The following WNT9A variants were observed in gnomAD, a reference collection of about 807,000 sequenced individuals.
The protein encoded by WNT9A is Wnt family member 9A, also known as protein Wnt-9a.
In WNT9A, 8 loss-of-function variants were observed where a neutral mutation model predicts 31.4. The observed-to-expected ratio is 0.26, with a 90% confidence interval of 0.15 to 0.46. WNT9A has a LOEUF of 0.46. Ranked by LOEUF, WNT9A falls within the 20% of genes least tolerant of loss-of-function variation. The probability of loss-of-function intolerance (pLI) is 0.99; values close to 1 mark genes in which losing one functional copy is unlikely to be tolerated. For synonymous variants in WNT9A, 236 were observed against 220.1 expected (o/e 1.07, Z -0.64); for missense variants, 457 against 522.9 (o/e 0.87, Z 1.23).
At chr1:227,946,289 A>C (rs1301899466) in intron 1 of WNT9A, among the ~76,000 whole-genome samples, 1 of 152,172 alleles carries the variant, frequency 6.6e-6, no homozygotes, top group Non-Finnish European at 1.5e-5. Flanking sequence ...ACCCAGCGCC[A>C]CCCCGTCTCC....
At position 227,926,102 on chromosome 1, in the gene WNT9A, T is replaced by A. The variant is rs1476392061; in HGVS notation, c.96-583A>T. On this transcript the variant is annotated intron_variant, in intron 1 of 3. Transcript: ENST00000272164. The surrounding 1 kb of genome is among the most constrained non-coding windows in gnomAD (Gnocchi z 5.0). ...TCCAGCTGGGGTCTCCCCACCTCAG[T>A]GCCTGGGTGTGGCACTGGGAAGCAG... Among the ~76,000 whole-genome samples, 1 of 152,072 alleles carries A rather than the reference T, an allele frequency of 6.6e-6. No individual in the cohort carries two copies.
In WNT9A at chr1:227,918,680, A is replaced by T. The variant is rs182628948; in HGVS notation, c.*2838T>A. The T allele has an allele frequency of 2.0e-5, 3 of 152,384 alleles. No homozygotes were observed. The East Asian group carries it at 5.8e-4, about 29-fold the overall frequency. 9.4% of individuals were successfully genotyped at this position (152,384 alleles called of 1,614,324 possible). On this transcript the variant is annotated 3_prime_UTR_variant, in exon 4 of 4. Coordinates refer to ENST00000272164, the MANE Select transcript of WNT9A (RefSeq NM_003395.4). ...CTATAATTTAAAATACATTTATTTA[A>T]TGTTTCCATTTGTTTCTGGTTCTGT...
chr1:227,925,188 C>A lies in WNT9A; in HGVS notation c.352+75G>T. Reference sequence around the variant, plus strand: ...CCCCAGGAGCGCAGCCTAAGAGGGGCCTCTTGGGATATGGACAAGGCCTGG... The same window carrying A: ...CCCCAGGAGCGCAGCCTAAGAGGGGACTCTTGGGATATGGACAAGGCCTGG... On this transcript the variant is annotated intron_variant, in intron 2 of 3. Coordinates refer to ENST00000272164, the MANE Select transcript of WNT9A (RefSeq NM_003395.4). This position sits in a 1 kb window ranked among gnomAD's most constrained non-coding sequence, Gnocchi z 6.0. The A allele has an allele frequency of 7.0e-7, 1 of 1,436,160 alleles. No individual in the cohort carries two copies. Among genetic ancestry groups the A allele is most frequent in the Non-Finnish European group, 9.1e-7 (1 of 1,095,500 alleles). The allele number at this position is 1,436,160 out of a possible 1,614,324, so 89.0% of individuals were successfully genotyped here.
Position 227,921,734 on chromosome 1 carries a change from G to A in WNT9A, c.882C>T (p.Asp294=). Reference sequence around the variant, plus strand: ...GGCCAGCCAGGCAGAAGCTAGGCGAGTCATCCAGGTGCACCAGCTCTGGAG... The same window carrying A: ...GGCCAGCCAGGCAGAAGCTAGGCGAATCATCCAGGTGCACCAGCTCTGGAG... ...PRTPELVHLD[D]SPSFCLAGRF... Residue 294 remains aspartate, a synonymous_variant, in exon 4 of 4, where the codon GAC becomes GAT. Coordinates refer to ENST00000272164, the MANE Select transcript of WNT9A (RefSeq NM_003395.4). The A allele has an allele frequency of 6.2e-7, 1 of 1,612,560 alleles. No homozygotes were observed. The highest frequency in any genetic ancestry group is 1.1e-5 in the South Asian group (1 of 91,076).
chr1:227,929,820 A>T (rs1463264884), intron 1 of WNT9A, among the ~76,000 whole-genome samples: 2 of 152,166 alleles, frequency 1.3e-5, no homozygotes, highest in Non-Finnish European at 2.9e-5. Context: ...ATAAATAAAT[A>T]AAAGGGACCC....
chr1:227,926,521 G>A lies in WNT9A; in HGVS notation c.96-1002C>T, dbSNP rs1488356439. On this transcript the variant is annotated intron_variant, in intron 1 of 3. Transcript: ENST00000272164. This position sits in a 1 kb window ranked among gnomAD's most constrained non-coding sequence, Gnocchi z 5.0. ...TCACCTGTCTATCCTGGGACTGACC[G>A]AGCATGCTCTGCAGCTCTGTGTCAG... Among the ~76,000 whole-genome samples, 4 of 152,000 alleles carry A rather than the reference G, an allele frequency of 2.6e-5. No individual in the cohort carries two copies. The highest frequency in any genetic ancestry group is 2.0e-4 in the Admixed American group (3 of 15,280).
chr1:227,924,482 A>G (rs879487461), intron 2 of WNT9A, 82 bp from the exon 3 acceptor site: 123 of 1,514,274 alleles, frequency 8.1e-5, no homozygotes, highest in Non-Finnish European at 1.0e-4. Context: ...TCACCCCAAG[A>G]GTATGAATCC....
intron 3 of WNT9A, among the ~76,000 whole-genome samples, chr1:227,923,799 T>C (rs993325848): frequency 1.3e-5 from 2 of 152,126 alleles, no homozygotes; most frequent in Non-Finnish European, 2.9e-5. Flanking sequence ...CACAGTGCCA[T>C]GATACTGGTT....
In WNT9A at chr1:227,921,216, T is replaced by A; in HGVS notation, c.*302A>T. ...CACACCGTGTGCAATGCCTGTGCCA[T>A]GTGCAGCAGGGCTGACTGGGCCCAG... On this transcript the variant is annotated 3_prime_UTR_variant, in exon 4 of 4. Transcript: ENST00000272164. The A allele has an allele frequency of 2.8e-6, 1 of 362,486 alleles. No individual in the cohort carries two copies. The highest frequency in any genetic ancestry group is 5.1e-6 in the Non-Finnish European group (1 of 195,344). The allele number at this position is 362,486 out of a possible 1,614,324, so 22.5% of individuals were successfully genotyped here. A position where few individuals can be genotyped will look rare whatever the true frequency, so the allele number is the denominator to read the frequency against.
chr1:227,922,416 A>G (rs780865807), intron 3 of WNT9A, among the ~76,000 whole-genome samples: 29 of 152,168 alleles, frequency 1.9e-4, no homozygotes, highest in Non-Finnish European at 3.2e-4. Flanking sequence ...GAGGACAAAC[A>G]TGACCTCATC....
chr1:227,923,387 G>GGCTCT (rs1234061741), intron 3 of WNT9A, among the ~76,000 whole-genome samples: 6 of 152,162 alleles, frequency 3.9e-5, no homozygotes, highest in African/African-American at 1.4e-4. Flanking sequence ...AGATGCTGGG[G>GGCTCT]GCTCTGTGCA....
At chr1:227,923,402 G>A (rs1316098422) in intron 3 of WNT9A, among the ~76,000 whole-genome samples, 20 of 152,162 alleles carry the variant, frequency 1.3e-4, no homozygotes, top group Admixed American at 1.2e-3. Context: ...TGTGCAGAGT[G>A]GGGTTACAGG....
chr1:227,946,057 T>C (rs1005592608), intron 1 of WNT9A, among the ~76,000 whole-genome samples: 6 of 152,334 alleles, frequency 3.9e-5, no homozygotes, highest in Non-Finnish European at 7.4e-5. Context: ...CAGACAGGAC[T>C]CAGGAATTCT....
chr1:227,944,447 G>T (rs1175130205), intron 1 of WNT9A, among the ~76,000 whole-genome samples: 5 of 152,204 alleles, frequency 3.3e-5, no homozygotes, highest in African/African-American at 9.7e-5. Flanking sequence ...GGTGAGAGCT[G>T]CATGGCCTGG....
intron 1 of WNT9A, among the ~76,000 whole-genome samples, chr1:227,943,658 A>C (rs956700123): frequency 3.3e-5 from 5 of 152,208 alleles, no homozygotes; most frequent in African/African-American, 9.6e-5. Context: ...TGCTGCATCC[A>C]GAAGGGTTTG....
At chr1:227,930,022 C>T (rs982028331) in intron 1 of WNT9A, among the ~76,000 whole-genome samples, 7 of 152,172 alleles carry the variant, frequency 4.6e-5, no homozygotes, top group African/African-American at 9.7e-5. Flanking sequence ...TAGCAGCCTG[C>T]GTAAACTAAG....
chr1:227,925,567 G>A lies in WNT9A; in HGVS notation c.96-48C>T. On this transcript the variant is annotated intron_variant, in intron 1 of 3. Transcript: ENST00000272164. The surrounding 1 kb of genome is among the most constrained non-coding windows in gnomAD (Gnocchi z 6.0). Reference sequence around the variant, plus strand: ...GAGCCCGGCCCCAGGAAGCCCTGCTGGAGCCTGGCCAGGTGTCTCGGTGGC... The same window carrying A: ...GAGCCCGGCCCCAGGAAGCCCTGCTAGAGCCTGGCCAGGTGTCTCGGTGGC... The A allele has an allele frequency of 6.8e-7, 1 of 1,462,664 alleles. No individual in the cohort carries two copies. Among genetic ancestry groups the A allele is most frequent in the Non-Finnish European group, 9.0e-7 (1 of 1,110,326 alleles). 90.6% of individuals were successfully genotyped at this position (1,462,664 alleles called of 1,614,324 possible).
chr1:227,938,342 TACAC>T (rs1187312211), intron 1 of WNT9A, among the ~76,000 whole-genome samples: 2 of 145,822 alleles, frequency 1.4e-5, no homozygotes, highest in African/African-American at 5.2e-5. Flanking sequence ...TACAAACCTA[TACAC>T]ACAGACACAC....
chr1:227,942,457 T>A lies in WNT9A; in HGVS notation c.95+5336A>T, dbSNP rs145257102. 1.3e-5 allele frequency among the ~76,000 whole-genome samples: 2 copies of A among 152,204 alleles called. No individual in the cohort carries two copies. The highest frequency in any genetic ancestry group is 3.9e-4 in the East Asian group (2 of 5,152). On this transcript the variant is annotated intron_variant, in intron 1 of 3. Coordinates refer to ENST00000272164, the MANE Select transcript of WNT9A (RefSeq NM_003395.4). This position sits in a 1 kb window ranked among gnomAD's most constrained non-coding sequence, Gnocchi z 5.7. ...CAGGGAAGCCAAGCACCTGGGTCCC[T>A]CTACTGGCCACGGGGTCCCAGTCCA...
Sources: gnomAD v4.1 joint callset for allele counts (sites outside exome capture counted in the v4.1 genomes callset) on GRCh38, gnomAD v4.1.1 for gene constraint, Gnocchi (gnomAD v3.1) non-coding constraint, MANE v1.5 for transcripts, NCBI Gene and HGNC (gene_info 2026-07-23, HGNC 2026-07-21) for gene names.